Variants in ANKRD6 observed in about 807,000 individuals in gnomAD.
ANKRD6 encodes the protein ankyrin repeat domain 6, also known as ankyrin repeat domain-containing protein 6.
Under a neutral mutation model 82.3 loss-of-function variants are expected in ANKRD6, and 56 were observed. The ratio of observed to expected loss-of-function variants is 0.68; its 90% confidence interval spans 0.55 to 0.85. The LOEUF is 0.85. Among genes scored for constraint, ANKRD6 ranks in the 40% least tolerant of loss-of-function variants. The pLI, the probability that ANKRD6 is intolerant of heterozygous loss-of-function variation, is 0.00. For synonymous variants in ANKRD6, 347 were observed against 352.1 expected (o/e 0.99, Z 0.16); for missense variants, 852 against 907.6 (o/e 0.94, Z 0.79).
intron 1 of ANKRD6, among the ~76,000 whole-genome samples, chr6:89,535,225 G>A (rs1408909052): frequency 4.6e-5 from 7 of 152,156 alleles, no homozygotes; most frequent in African/African-American, 9.7e-5. Context: ...GGAGAAGTGT[G>A]CCCCTAGATG....
chr6:89,544,649 G>T (rs578141282), intron 1 of ANKRD6, among the ~76,000 whole-genome samples: 24 of 152,212 alleles, frequency 1.6e-4, no homozygotes, highest in Admixed American at 7.2e-4. Flanking sequence ...AGGAGGCGGA[G>T]GTTGCAGTGA....
intron 1 of ANKRD6, among the ~76,000 whole-genome samples, chr6:89,450,153 G>A (rs1444602117): frequency 3.9e-5 from 6 of 151,992 alleles, no homozygotes; most frequent in South Asian, 2.1e-4. Flanking sequence ...CCTGGCCAGC[G>A]TAGTGAAACC....
In ANKRD6 at chr6:89,552,515, C is replaced by T. The variant is rs541841633; in HGVS notation, c.-143-14319C>T. On this transcript the variant is annotated intron_variant, in intron 1 of 15. Coordinates refer to ENST00000339746, the MANE Select transcript of ANKRD6 (RefSeq NM_001242809.2). ...AGAGACCAAATGAGGATTTGGGCAG[C>T]GCTTGGGAACTATAAAGAAGAGGTG... 5.0e-4 allele frequency among the ~76,000 whole-genome samples: 76 copies of T among 152,120 alleles called. 1 individual carries two copies. The South Asian group carries it at 0.015, about 30-fold the overall frequency.
At chr6:89,580,998 C>T (rs922958530) in intron 2 of ANKRD6, among the ~76,000 whole-genome samples, 1 of 152,168 alleles carries the variant, frequency 6.6e-6, no homozygotes, top group African/African-American at 2.4e-5. Flanking sequence ...ACAGAAGGCA[C>T]AAAGTTTGCC....
chr6:89,435,749 G>C (rs1770564107), intron 1 of ANKRD6, among the ~76,000 whole-genome samples: 1 of 152,188 alleles, frequency 6.6e-6, no homozygotes, highest in South Asian at 2.1e-4. Context: ...ACAGTAATTT[G>C]GGTGCGTGCG....
At chr6:89,434,537 A>G (rs1467034610) in intron 1 of ANKRD6, among the ~76,000 whole-genome samples, 1 of 152,094 alleles carries the variant, frequency 6.6e-6, no homozygotes, top group African/African-American at 2.4e-5. Context: ...CCCAGGCTGT[A>G]AGCTTTGACC....
At chr6:89,613,929 T>A (rs1241071673) in intron 7 of ANKRD6, 39 bp downstream of exon 7, 2 of 1,602,564 alleles carry the variant, frequency 1.2e-6, no homozygotes, top group Non-Finnish European at 1.7e-6. Context: ...CCAGCACCCT[T>A]CCCACAAGGC....
At chr6:89,542,085 T>G (rs1205033613) in intron 1 of ANKRD6, among the ~76,000 whole-genome samples, 1 of 152,216 alleles carries the variant, frequency 6.6e-6, no homozygotes. Flanking sequence ...GTATTTTTAT[T>G]GTATTTATCA....
chr6:89,545,420 A>G (rs1784971796), intron 1 of ANKRD6, among the ~76,000 whole-genome samples: 2 of 152,236 alleles, frequency 1.3e-5, no homozygotes, highest in Admixed American at 1.3e-4. Context: ...GGTGTCAGAG[A>G]AACTCTATCC....
rs1563181371 is a variant in ANKRD6, at chr6:89,630,538, G to A, written c.1718G>A (p.Arg573Lys). The A allele has an allele frequency of 1.9e-6, 3 of 1,614,004 alleles. No homozygotes were observed. The highest frequency in any genetic ancestry group is 1.7e-5 in the Admixed American group (1 of 60,016). Reference sequence around the variant, plus strand: ...GCCCTCAACTCCACTGCTACCCAGAGACTCCAGCAGGAGCTGTCGTCTTCT... The same window carrying A: ...GCCCTCAACTCCACTGCTACCCAGAAACTCCAGCAGGAGCTGTCGTCTTCT... ...EKALNSTATQ[R>K]LQQELSSSDC... Residue 573 changes from arginine (R) to lysine (K), a missense_variant, in exon 16 of 16, where the codon AGA becomes AAA. Arg to Lys is a conservative substitution (Grantham distance 26). Transcript: ENST00000339746.
chr6:89,575,494 A>G (rs888584025), intron 2 of ANKRD6, among the ~76,000 whole-genome samples: 2 of 152,142 alleles, frequency 1.3e-5, no homozygotes, highest in African/African-American at 4.8e-5. Context: ...TGAACTTTCT[A>G]TGGGCTGCTG....
chr6:89,500,619 G>A (rs990550389), intron 1 of ANKRD6, among the ~76,000 whole-genome samples: 3 of 152,170 alleles, frequency 2.0e-5, no homozygotes, highest in Non-Finnish European at 2.9e-5. Flanking sequence ...CTCAGAAATC[G>A]TGTAATGGGG....
chr6:89,497,977 G>A (rs1582928235), intron 1 of ANKRD6, among the ~76,000 whole-genome samples: 1 of 152,156 alleles, frequency 6.6e-6, no homozygotes, highest in Non-Finnish European at 1.5e-5. Flanking sequence ...ATAGTATATG[G>A]TTTTTTGTTT....
intron 1 of ANKRD6, among the ~76,000 whole-genome samples, chr6:89,554,178 A>G (rs1182858139): frequency 6.6e-6 from 1 of 152,210 alleles, no homozygotes; most frequent in African/African-American, 2.4e-5. Flanking sequence ...AACAACAGAC[A>G]TTTATGCTGT....
intron 1 of ANKRD6, among the ~76,000 whole-genome samples, chr6:89,517,278 ATAG>A (rs1168209236): frequency 1.4e-4 from 22 of 152,242 alleles, no homozygotes; most frequent in Non-Finnish European, 2.4e-4. Context: ...TTAAAAATTA[ATAG>A]TAGTTTAATA....
chr6:89,564,051 A>G (rs1029529777), intron 1 of ANKRD6, among the ~76,000 whole-genome samples: 2 of 152,182 alleles, frequency 1.3e-5, no homozygotes, highest in African/African-American at 4.8e-5. Context: ...AAGGCTGGAG[A>G]TCCTAGTAAG....
At chr6:89,555,062 C>T (rs375427242) in intron 1 of ANKRD6, among the ~76,000 whole-genome samples, 4 of 113,654 alleles carry the variant, frequency 3.5e-5, no homozygotes, top group African/African-American at 6.6e-5. Flanking sequence ...TCTCCTCCCC[C>T]CCTTCTCTTC....
At position 89,438,894 on chromosome 6, in the gene ANKRD6, C is replaced by T. The variant is rs181913311; in HGVS notation, c.-144+5519C>T. ...CTGACCTCAGGTGATCCGCCGGCCT[C>T]GGCCTCCTAAAGTGCTGGGATTACA... On this transcript the variant is annotated intron_variant, in intron 1 of 15. Transcript: ENST00000339746. 2.4e-3 allele frequency among the ~76,000 whole-genome samples: 365 copies of T among 152,282 alleles called. 1 individual carries two copies. Among genetic ancestry groups the T allele is most frequent in the African/African-American group, 8.4e-3 (347 of 41,556 alleles).
chr6:89,434,244 A>G (rs1770341959), intron 1 of ANKRD6, among the ~76,000 whole-genome samples: 1 of 152,162 alleles, frequency 6.6e-6, no homozygotes. Flanking sequence ...ACCTCGTAGT[A>G]TTGTGTTCAT....
Sources: gnomAD v4.1 joint callset for allele counts (sites outside exome capture counted in the v4.1 genomes callset) on GRCh38, gnomAD v4.1.1 for gene constraint, MANE v1.5 for transcripts, NCBI Gene and HGNC (gene_info 2026-07-23, HGNC 2026-07-21) for gene names.